PIK3AP1: variants seen among roughly 807,000 people sequenced by gnomAD.
PIK3AP1 encodes phosphoinositide 3-kinase adapter protein 1.
Under a neutral mutation model 88.1 loss-of-function variants are expected in PIK3AP1, and 21 were observed. That is an observed-to-expected ratio of 0.24 (90% confidence interval 0.17 to 0.34). The LOEUF is 0.34. PIK3AP1 is among the 10% of genes least tolerant of loss of function. PIK3AP1 has a pLI of 1.00. For missense variants in PIK3AP1, 828 were observed against 1,035.7 expected, an observed-to-expected ratio of 0.80 and a Z score of 2.75; for synonymous variants, 398 against 400.0, an observed-to-expected ratio of 1.00 and a Z score of 0.06.
chr10:96,597,271 T>TTCCTTCCTTCC (rs1848776068), intron 16 of PIK3AP1, among the ~76,000 whole-genome samples: 5 of 107,610 alleles, frequency 4.6e-5, no homozygotes, highest in Admixed American at 2.1e-4. Flanking sequence ...TCTTTCTTTC[T>TTCCTTCCTTCC]TTCCTTCCTT....
At chr10:96,706,259 G>A (rs1285890647) in intron 2 of PIK3AP1, among the ~76,000 whole-genome samples, 2 of 152,134 alleles carry the variant, frequency 1.3e-5, no homozygotes, top group Non-Finnish European at 2.9e-5. Context: ...CAAGTTTCAT[G>A]TACTTATTTC....
chr10:96,612,796 A>C (rs1589486901), intron 13 of PIK3AP1, among the ~76,000 whole-genome samples: 2 of 150,996 alleles, frequency 1.3e-5, no homozygotes, highest in African/African-American at 2.4e-5. Flanking sequence ...TCCCTGTCTC[A>C]CTTCTCCATC....
chr10:96,713,872 A>G (rs1054638051), intron 1 of PIK3AP1, among the ~76,000 whole-genome samples: 1 of 152,094 alleles, frequency 6.6e-6, no homozygotes, highest in Non-Finnish European at 1.5e-5. Context: ...CTTGCTGTTC[A>G]TTACAGACTC....
intron 9 of PIK3AP1, 80 bp downstream of exon 9, chr10:96,628,318 C>A: frequency 1.6e-6 from 2 of 1,243,194 alleles, no homozygotes; most frequent in Non-Finnish European, 2.4e-6. Context: ...AGGGGAGCAA[C>A]CCTCATAGAG....
chr10:96,705,073 T>C (rs530408233), intron 2 of PIK3AP1, among the ~76,000 whole-genome samples: 3 of 152,232 alleles, frequency 2.0e-5, no homozygotes, highest in African/African-American at 2.4e-5. Context: ...TTAAGAAAAA[T>C]AGACATATAG....
intron 16 of PIK3AP1, among the ~76,000 whole-genome samples, chr10:96,597,426 C>G (rs1219078840): frequency 6.9e-6 from 1 of 145,788 alleles, no homozygotes; most frequent in Non-Finnish European, 1.5e-5. Context: ...TATATCCACT[C>G]CTGGGTATGG....
Position 96,620,477 on chromosome 10 carries a change from G to T in PIK3AP1, c.1816C>A (p.Arg606=). Residue 606 remains arginine, a synonymous_variant, in exon 12 of 17, where the codon CGG becomes AGG. Transcript: ENST00000339364. ...PFAGMKTPGQ[R]QLITLQEQVK... ...TGCTCCTGGAGGGTGATAAGCTGCC[G>T]CTGGCCTGGCGTTTTCATTCCCGCA... The T allele has an allele frequency of 6.2e-7, 1 of 1,614,102 alleles. No homozygotes were observed. Among genetic ancestry groups the T allele is most frequent in the Non-Finnish European group, 8.5e-7 (1 of 1,180,028 alleles).
At chr10:96,640,240 A>G (rs544291644) in intron 8 of PIK3AP1, among the ~76,000 whole-genome samples, 1 of 152,282 alleles carries the variant, frequency 6.6e-6, no homozygotes, top group South Asian at 2.1e-4. Context: ...GCAAGATGAT[A>G]ATGCCTTTCT....
Position 96,628,428 on chromosome 10 carries a change from T to C in PIK3AP1, c.1441A>G (p.Lys481Glu), listed in dbSNP as rs1402656267. The change falls in exon 9 of 17, where the codon AAG becomes GAG. Residue 481 changes from lysine to glutamate, a missense_variant. Around this residue, in one of 3 missense-constraint regions of PIK3AP1, gnomAD observed 610 missense variants for 760.1 expected, o/e 0.80. Coordinates refer to ENST00000339364, the MANE Select transcript of PIK3AP1 (RefSeq NM_152309.3). ...IPGDGFSRATKDSMIRKFLEG... is the reference protein window; with the variant it reads ...IPGDGFSRATEDSMIRKFLEG... ...AAAAACTTGCGGATCATAGAGTCCT[T>C]AGTGGCCCGAGAGAAACCATCTCCA... 2 of 1,613,138 alleles carry C rather than the reference T, an allele frequency of 1.2e-6. No individual in the cohort carries two copies. The highest frequency in any genetic ancestry group is 1.7e-6 in the Non-Finnish European group (2 of 1,179,222).
intron 2 of PIK3AP1, among the ~76,000 whole-genome samples, chr10:96,708,392 T>C (rs1844391838): frequency 6.6e-6 from 1 of 151,524 alleles, no homozygotes; most frequent in African/African-American, 2.4e-5. Flanking sequence ...CTGACCAACA[T>C]GGTAAAATCC....
intron 2 of PIK3AP1, among the ~76,000 whole-genome samples, chr10:96,704,086 C>G (rs1350457338): frequency 1.3e-5 from 2 of 152,100 alleles, no homozygotes; most frequent in Non-Finnish European, 2.9e-5. Flanking sequence ...GCACCCCATC[C>G]CAACATCTAG....
At chr10:96,637,719 A>T (rs1843331939) in intron 8 of PIK3AP1, among the ~76,000 whole-genome samples, 1 of 152,070 alleles carries the variant, frequency 6.6e-6, no homozygotes, top group African/African-American at 2.4e-5. Context: ...GTTTCCAGAA[A>T]AGGAGCATGC....
At chr10:96,629,398 G>A (rs1020059328) in intron 8 of PIK3AP1, among the ~76,000 whole-genome samples, 7 of 151,624 alleles carry the variant, frequency 4.6e-5, no homozygotes, top group African/African-American at 1.7e-4. Flanking sequence ...GACTATAACT[G>A]GAACCATATT....
chr10:96,701,071 A>G (rs1032815027), intron 2 of PIK3AP1, among the ~76,000 whole-genome samples: 1 of 152,244 alleles, frequency 6.6e-6, no homozygotes, highest in Non-Finnish European at 1.5e-5. Context: ...AGCAGAACCA[A>G]CTTGAAGGCT....
intron 13 of PIK3AP1, among the ~76,000 whole-genome samples, chr10:96,611,283 A>G (rs1247993387): frequency 6.6e-6 from 1 of 152,142 alleles, no homozygotes; most frequent in Non-Finnish European, 1.5e-5. Context: ...TGTGTAATCC[A>G]GGTCTTTTTC....
intron 2 of PIK3AP1, among the ~76,000 whole-genome samples, chr10:96,661,135 G>C (rs1305159882): frequency 6.6e-6 from 1 of 152,008 alleles, no homozygotes; most frequent in African/African-American, 2.4e-5. Context: ...GTTGCAGTGA[G>C]CTGAGATTGC....
chr10:96,611,129 G>T (rs567002132), intron 13 of PIK3AP1, among the ~76,000 whole-genome samples: 18 of 152,310 alleles, frequency 1.2e-4, no homozygotes, highest in African/African-American at 4.1e-4. Context: ...AGAGGACAGG[G>T]CACACCAAGT....
chr10:96,608,244 G>T (rs555796803), intron 14 of PIK3AP1, among the ~76,000 whole-genome samples: 3 of 152,186 alleles, frequency 2.0e-5, no homozygotes, highest in Non-Finnish European at 2.9e-5. Context: ...ACCCTGAGAG[G>T]GTTCTACCAC....
intron 2 of PIK3AP1, among the ~76,000 whole-genome samples, chr10:96,693,792 A>G (rs1844186367): frequency 6.6e-6 from 1 of 152,252 alleles, no homozygotes; most frequent in East Asian, 1.9e-4. Flanking sequence ...TAAAATCTGC[A>G]AACTGCGGGA....
Sources: allele counts gnomAD v4.1 joint callset (sites outside exome capture counted in the v4.1 genomes callset), GRCh38; gene constraint gnomAD v4.1.1; regional missense constraint gnomAD v4.1.1; transcripts MANE v1.5; gene names NCBI Gene and HGNC (gene_info 2026-07-23, HGNC 2026-07-21).